The following WAC variants were observed in gnomAD, a reference collection of about 807,000 sequenced individuals.
WAC encodes WW domain containing adaptor with coiled-coil.
WAC carries 11 observed loss-of-function variants against 79.6 expected under a neutral mutation model. The ratio of observed to expected loss-of-function variants is 0.14; its 90% CI spans 0.09 to 0.23. WAC has a LOEUF of 0.23. Ranked by LOEUF, WAC falls within the 10% of genes least tolerant of loss-of-function variation. The pLI, the probability that WAC is intolerant of heterozygous loss-of-function variation, is 1.00. For synonymous variants in WAC, 304 were observed against 276.9 expected (o/e 1.10, Z -0.97); for missense variants, 728 against 773.5 (o/e 0.94, Z 0.70).
rs955520449 is a variant in WAC, at chr10:28,620,714, TAAG to T, written c.*1111_*1113del. The T allele has an allele frequency of 6.6e-5, 10 of 152,314 alleles. No individual in the cohort carries two copies. Among genetic ancestry groups the T allele is most frequent in the East Asian group, 1.9e-4 (1 of 5,190 alleles). The allele number at this position is 152,314 out of a possible 1,614,324, so 9.4% of individuals were successfully genotyped here. ...ATTGTGTATGAGATATTTAATGAAA[TAAG>T]AAATTCAACAAGAATGATTAAGTCA... On this transcript the variant is annotated 3_prime_UTR_variant, in exon 14 of 14. Transcript: ENST00000354911.
intron 7 of WAC, among the ~76,000 whole-genome samples, chr10:28,606,332 A>G (rs1331503699): frequency 6.6e-6 from 1 of 152,230 alleles, no homozygotes; most frequent in Non-Finnish European, 1.5e-5. Context: ...CACCACGTCC[A>G]TCTGACAGCA....
chr10:28,604,564 T>G (rs770084453), intron 7 of WAC, among the ~76,000 whole-genome samples: 2 of 152,124 alleles, frequency 1.3e-5, no homozygotes. Context: ...AAATCCCATC[T>G]CTACTAAAAA....
At chr10:28,604,792 A>G (rs1201931674) in intron 7 of WAC, among the ~76,000 whole-genome samples, 1 of 152,154 alleles carries the variant, frequency 6.6e-6, no homozygotes, top group African/African-American at 2.4e-5. Flanking sequence ...GGGATAATAA[A>G]TGTTATGTAA....
At chr10:28,619,485 C>G (rs368377770) in intron 13 of WAC, 52 bp from the exon 14 acceptor site, 2 of 1,333,496 alleles carry the variant, frequency 1.5e-6, no homozygotes, top group African/African-American at 3.1e-5. Flanking sequence ...CTCGGGTTTT[C>G]TGTAATATTT....
At chr10:28,561,829 T>C (rs1438543635) in intron 3 of WAC, among the ~76,000 whole-genome samples, 1 of 152,188 alleles carries the variant, frequency 6.6e-6, no homozygotes, top group Non-Finnish European at 1.5e-5. Context: ...GAACTGTGCA[T>C]GCGAGGAATC....
At chr10:28,542,107 A>G (rs1589127674) in intron 3 of WAC, among the ~76,000 whole-genome samples, 1 of 152,274 alleles carries the variant, frequency 6.6e-6, no homozygotes, top group East Asian at 1.9e-4. Flanking sequence ...CTGCAGGCAG[A>G]AGTTTGTTCC....
intron 6 of WAC, among the ~76,000 whole-genome samples, chr10:28,595,394 A>G (rs1348322828): frequency 6.6e-6 from 1 of 151,400 alleles, no homozygotes; most frequent in African/African-American, 2.4e-5. Context: ...TTAAAATTTT[A>G]TAAGATATTA....
In WAC at chr10:28,562,633, G is replaced by A. The variant is rs565673371; in HGVS notation, c.275-20766G>A. Among the ~76,000 whole-genome samples, 52 of 152,264 alleles carry A rather than the reference G, an allele frequency of 3.4e-4. No homozygotes were observed. In the East Asian group the frequency reaches 6.6e-3, roughly 19 times the overall value. On this transcript the variant is annotated intron_variant, in intron 3 of 13. Transcript: ENST00000354911. ...AACATATTTTTATGAGATAAGAAAG[G>A]TAGTAAACATTAATAAAGCTGAAAA... is the stretch of plus-strand genomic sequence containing the variant.
intron 3 of WAC, among the ~76,000 whole-genome samples, chr10:28,557,727 G>T (rs145644136): frequency 8.1e-4 from 123 of 152,188 alleles, no homozygotes; most frequent in Middle Eastern, 3.4e-3. Flanking sequence ...TTATTAAAAT[G>T]GTCCTGGAAT....
chr10:28,580,283 C>T (rs1839466359), intron 3 of WAC, among the ~76,000 whole-genome samples: 1 of 152,128 alleles, frequency 6.6e-6, no homozygotes, highest in South Asian at 2.1e-4. Flanking sequence ...CATACCATTT[C>T]TTTAGAGGTA....
chr10:28,581,913 T>C (rs2132619807), intron 3 of WAC, among the ~76,000 whole-genome samples: 1 of 152,322 alleles, frequency 6.6e-6, no homozygotes, highest in African/African-American at 2.4e-5. Flanking sequence ...TCCTGTTATT[T>C]AAAAGGGGGT....
At chr10:28,543,680 GCTT>G (rs1278656106) in intron 3 of WAC, among the ~76,000 whole-genome samples, 1 of 152,182 alleles carries the variant, frequency 6.6e-6, no homozygotes, top group East Asian at 1.9e-4. Flanking sequence ...GCTATATAGT[GCTT>G]CTTGTACTAA....
At chr10:28,608,110 G>T in intron 7 of WAC, 76 bp from the exon 8 acceptor site, 3 of 1,551,194 alleles carry the variant, frequency 1.9e-6, no homozygotes, top group South Asian at 2.3e-5. Context: ...CCTGGCACAT[G>T]AGAGGTGTTC....
At chr10:28,586,314 G>T (rs115665631) in intron 4 of WAC, among the ~76,000 whole-genome samples, 2 of 152,124 alleles carry the variant, frequency 1.3e-5, no homozygotes, top group African/African-American at 2.4e-5. Flanking sequence ...TTATTGTGGG[G>T]TGTTTACCGC....
intron 2 of WAC, among the ~76,000 whole-genome samples, chr10:28,534,715 A>T (rs1448541612): frequency 1.3e-5 from 2 of 152,240 alleles, no homozygotes; most frequent in African/African-American, 4.8e-5. Flanking sequence ...AATGATTGTT[A>T]ACCATCAGAT....
intron 3 of WAC, among the ~76,000 whole-genome samples, chr10:28,536,690 T>A (rs1272880636): frequency 6.6e-6 from 1 of 152,222 alleles, no homozygotes; most frequent in Non-Finnish European, 1.5e-5. Flanking sequence ...CCTCAAGCTC[T>A]TTGTGGTAGG....
intron 6 of WAC, among the ~76,000 whole-genome samples, chr10:28,595,415 T>C (rs917403991): frequency 4.2e-5 from 6 of 144,244 alleles, no homozygotes; most frequent in Admixed American, 3.5e-4. Flanking sequence ...TAACTCCATA[T>C]GTTGATTTTT....
intron 9 of WAC, 61 bp from the exon 10 acceptor site, chr10:28,611,713 G>A (rs1841247773): frequency 1.9e-6 from 3 of 1,578,642 alleles, no homozygotes; most frequent in Non-Finnish European, 2.6e-6. Flanking sequence ...TATTACAAAG[G>A]ACTTTAGTTT....
chr10:28,582,739 A>G (rs1198096057), intron 3 of WAC, among the ~76,000 whole-genome samples: 1 of 152,212 alleles, frequency 6.6e-6, no homozygotes, highest in Non-Finnish European at 1.5e-5. Context: ...TTCTTAAAGC[A>G]AGAGAAACTT....
Sources: gnomAD v4.1 joint callset for allele counts (sites outside exome capture counted in the v4.1 genomes callset) on GRCh38, gnomAD v4.1.1 for gene constraint, MANE v1.5 for transcripts, NCBI Gene and HGNC (gene_info 2026-07-23, HGNC 2026-07-21) for gene names.